Variants in MARK3 observed in about 807,000 individuals in gnomAD.
MARK3 encodes MAP/microtubule affinity-regulating kinase 3.
In MARK3, 46 loss-of-function variants were observed where a neutral mutation model predicts 90.1. That is an observed-to-expected ratio of 0.51 (90% CI 0.40 to 0.65). The LOEUF is 0.65. MARK3 is among the 30% of genes least tolerant of loss of function. The pLI, the probability that MARK3 is intolerant of heterozygous loss-of-function variation, is 0.00. For missense variants in MARK3, 818 were observed against 947.2 expected (o/e 0.86, Z 1.79); for synonymous variants, 321 against 332.6 (o/e 0.97, Z 0.38).
chr14:103,497,776 A>G (rs1294073883), intron 15 of MARK3, among the ~76,000 whole-genome samples: 2 of 152,214 alleles, frequency 1.3e-5, no homozygotes, highest in African/African-American at 4.8e-5. Flanking sequence ...TAGTGGTTAA[A>G]TATTTTATAA....
intron 1 of MARK3, among the ~76,000 whole-genome samples, chr14:103,399,323 TTGA>T (rs1281476809): frequency 9.9e-5 from 15 of 152,062 alleles, no homozygotes; most frequent in African/African-American, 3.6e-4. Flanking sequence ...TTGCTTTGAG[TTGA>T]TATGGCCCCT....
chr14:103,500,304 T>G (rs984032532), intron 17 of MARK3, 104 bp downstream of exon 17: 14 of 845,650 alleles, frequency 1.7e-5, no homozygotes, highest in East Asian at 1.1e-4. Flanking sequence ...TCCTGCTGTC[T>G]CTGTAGGAGT....
chr14:103,503,098 G>A lies in MARK3; in HGVS notation c.2133G>A (p.Val711=), dbSNP rs373035244. ...GAGATGGGCACGCGGAGAACCTCGT[G>A]CAGTGGGAAATGGAAGTGTGCAAGC... ...VHGDGHAENL[V]QWEMEVCKLP... Residue 711 remains valine, a synonymous_variant, in exon 18 of 18, where the codon GTG becomes GTA. Transcript: ENST00000429436. 1 of 1,614,118 alleles carries A rather than the reference G, an allele frequency of 6.2e-7. No individual in the cohort carries two copies. The highest frequency in any genetic ancestry group is 8.5e-7 in the Non-Finnish European group (1 of 1,180,054).
At chr14:103,428,268 T>C in intron 2 of MARK3, 119 bp from the exon 3 acceptor site, 1 of 566,706 alleles carries the variant, frequency 1.8e-6, no homozygotes, top group Non-Finnish European at 3.1e-6. Flanking sequence ...AGCTGAGTTT[T>C]AGGTTTTGTG....
chr14:103,445,320 G>A (rs923675911), intron 3 of MARK3, among the ~76,000 whole-genome samples: 21 of 152,104 alleles, frequency 1.4e-4, no homozygotes, highest in East Asian at 1.9e-4. Context: ...GGCTCTATGC[G>A]TCAGACACAG....
intron 13 of MARK3, 42 bp from the exon 14 acceptor site, chr14:103,480,345 A>G (rs753394863): frequency 8.4e-7 from 1 of 1,197,036 alleles, no homozygotes; most frequent in Non-Finnish European, 1.2e-6. Flanking sequence ...ATTGTACTGT[A>G]TTTACCAAAT....
chr14:103,459,011 G>C (rs1172514147), intron 6 of MARK3, among the ~76,000 whole-genome samples: 1 of 151,822 alleles, frequency 6.6e-6, no homozygotes, highest in East Asian at 1.9e-4. Context: ...AATATAATTT[G>C]ATTGTATGGT....
chr14:103,449,551 A>C (rs2093080787), intron 4 of MARK3, among the ~76,000 whole-genome samples: 2 of 152,188 alleles, frequency 1.3e-5, no homozygotes, highest in Admixed American at 6.5e-5. Flanking sequence ...ATCTAATGGA[A>C]TTGTGATAGG....
intron 2 of MARK3, among the ~76,000 whole-genome samples, chr14:103,426,444 A>G (rs769035974): frequency 9.2e-5 from 14 of 152,138 alleles, no homozygotes; most frequent in Non-Finnish European, 1.9e-4. Flanking sequence ...GACTTTGGCT[A>G]TAGATGCTTT....
chr14:103,407,001 T>C lies in MARK3; in HGVS notation c.243+1734T>C, dbSNP rs1290881268. Reference sequence around the variant, plus strand: ...GGCATCCACCACTGCACCCGGCTAATTTTTTGTATTTTTAGTAGAGACGGG... The same window carrying C: ...GGCATCCACCACTGCACCCGGCTAACTTTTTGTATTTTTAGTAGAGACGGG... On this transcript the variant is annotated intron_variant, in intron 2 of 17. Coordinates refer to ENST00000429436, the MANE Select transcript of MARK3 (RefSeq NM_001128918.3). 3.3e-5 allele frequency among the ~76,000 whole-genome samples: 5 copies of C among 152,026 alleles called. No homozygotes were observed. In the East Asian group the frequency reaches 9.7e-4, roughly 29 times the overall value.
At chr14:103,498,470 A>ATTTTTTTTTTT in intron 15 of MARK3, 32 bp from the exon 16 acceptor site, 1 of 1,052,554 alleles carries the variant, frequency 9.5e-7, no homozygotes. Flanking sequence ...ATTTTTGTTA[A>ATTTTTTTTTTT]TTTTTTTTTT....
chr14:103,407,557 T>G (rs1276569598), intron 2 of MARK3, among the ~76,000 whole-genome samples: 1 of 125,256 alleles, frequency 8.0e-6, no homozygotes, highest in Non-Finnish European at 1.7e-5. Flanking sequence ...TTTGCCTCTT[T>G]TTTTTTTTTT....
intron 5 of MARK3, 82 bp from the exon 6 acceptor site, chr14:103,457,060 G>A: frequency 2.4e-6 from 2 of 823,764 alleles, no homozygotes; most frequent in South Asian, 1.8e-5. Context: ...TTAGAGCATT[G>A]CTAAAAGTGA....
At chr14:103,484,658 C>T (rs1054903673) in intron 14 of MARK3, among the ~76,000 whole-genome samples, 1 of 152,078 alleles carries the variant, frequency 6.6e-6, no homozygotes, top group African/African-American at 2.4e-5. Flanking sequence ...TTAGGCTGGG[C>T]GCGGTGGCTC....
At chr14:103,495,806 C>G (rs1170514149) in intron 15 of MARK3, among the ~76,000 whole-genome samples, 1 of 152,182 alleles carries the variant, frequency 6.6e-6, no homozygotes, top group Non-Finnish European at 1.5e-5. Context: ...ACAGTTTGTT[C>G]TTAAAAACAA....
chr14:103,395,326 C>G (rs2090511654), intron 1 of MARK3, among the ~76,000 whole-genome samples: 1 of 150,658 alleles, frequency 6.6e-6, no homozygotes, highest in Admixed American at 6.7e-5. Flanking sequence ...GGCTGTGCCT[C>G]ATGGTTTTTT....
At chr14:103,499,582 A>G (rs2075540873) in intron 16 of MARK3, 1 of 152,436 alleles carries the variant, frequency 6.6e-6, no homozygotes, top group Non-Finnish European at 1.5e-5. Context: ...TCAAGTCACC[A>G]GAAGGCCAAG....
chr14:103,465,238 G>A (rs2093480635), intron 7 of MARK3, among the ~76,000 whole-genome samples: 1 of 152,170 alleles, frequency 6.6e-6, no homozygotes. Context: ...AAAGTGCTGG[G>A]ATCATAGGTG....
chr14:103,428,815 A>G (rs2092493058), intron 3 of MARK3, among the ~76,000 whole-genome samples: 1 of 152,188 alleles, frequency 6.6e-6, no homozygotes, highest in Non-Finnish European at 1.5e-5. Context: ...CCTTATAGCT[A>G]ATACTGAAAA....
Sources: gnomAD v4.1 joint callset for allele counts (sites outside exome capture counted in the v4.1 genomes callset) on GRCh38, gnomAD v4.1.1 for gene constraint, MANE v1.5 for transcripts, NCBI Gene and HGNC (gene_info 2026-07-23, HGNC 2026-07-21) for gene names.